Variants in TEC observed in about 807,000 individuals in gnomAD.
TEC encodes tec protein tyrosine kinase.
TEC carries 72 observed loss-of-function variants against 93.0 expected under a neutral mutation model. That is an observed-to-expected ratio of 0.77 (90% confidence interval 0.64 to 0.94). The LOEUF is 0.94. Among genes scored for constraint, TEC ranks in the 40% least tolerant of loss-of-function variants. The pLI is 0.00. For synonymous variants in TEC, 249 were observed against 247.7 expected (o/e 1.01, Z -0.05); for missense variants, 630 against 757.9 (o/e 0.83, Z 1.98).
At chr4:48,207,811 A>C (rs1440739742) in intron 2 of TEC, among the ~76,000 whole-genome samples, 2 of 152,046 alleles carry the variant, frequency 1.3e-5, no homozygotes, top group African/African-American at 4.8e-5. Context: ...AAAAATCCAG[A>C]ATTTAAGCAT....
chr4:48,153,776 A>G (rs1341587067), intron 9 of TEC, among the ~76,000 whole-genome samples: 1 of 152,218 alleles, frequency 6.6e-6, no homozygotes, highest in Non-Finnish European at 1.5e-5. Flanking sequence ...TGAAGCAGAA[A>G]AAAATGAGTG....
At position 48,168,617 on chromosome 4, in the gene TEC, T is replaced by C; in HGVS notation, c.464A>G (p.Lys155Arg). The change falls in exon 6 of 18, where the codon AAA becomes AGA. Residue 155 changes from lysine (K) to arginine (R), a missense_variant. Lys to Arg is a conservative substitution (Grantham distance 26). Around this residue, in one of 3 missense-constraint regions of TEC, gnomAD observed 335 missense variants for 351.5 expected, o/e 0.95. Transcript: ENST00000381501. The part of the protein sequence containing the change: ...KYNLFESSIR[K>R]ALPPAPETKK... ...TGTTTCTGGTGCTGGAGGTAGTGCTTTTCTTATACCTGAAAATGCCAACAA... is the reference window on the plus strand; with the variant it reads ...TGTTTCTGGTGCTGGAGGTAGTGCTCTTCTTATACCTGAAAATGCCAACAA... 1 of 1,602,352 alleles carries C rather than the reference T, an allele frequency of 6.2e-7. No homozygotes were observed. Among genetic ancestry groups the C allele is most frequent in the Non-Finnish European group, 8.5e-7 (1 of 1,177,432 alleles).
chr4:48,158,200 G>A (rs1185319231), intron 8 of TEC, among the ~76,000 whole-genome samples: 1 of 152,072 alleles, frequency 6.6e-6, no homozygotes, highest in Non-Finnish European at 1.5e-5. Context: ...CTAAAGAAGG[G>A]AAAAACACAA....
chr4:48,140,661 C>T (rs28521484), intron 15 of TEC, among the ~76,000 whole-genome samples: 48,482 of 152,130 alleles, frequency 0.32, 8,438 homozygotes, highest in Non-Finnish European at 0.39. Flanking sequence ...GTCTCAATCA[C>T]GCTATTTTTA....
chr4:48,142,031 C>T (rs185093346), intron 14 of TEC, among the ~76,000 whole-genome samples: 1 of 152,318 alleles, frequency 6.6e-6, no homozygotes, highest in East Asian at 1.9e-4. Context: ...ATTAAACTAT[C>T]CAATTTTCTT....
chr4:48,200,252 G>A (rs1349583883), intron 2 of TEC, among the ~76,000 whole-genome samples: 4 of 151,376 alleles, frequency 2.6e-5, no homozygotes, highest in East Asian at 1.9e-4. Context: ...TGGTACCTTC[G>A]AGGAACTGAA....
intron 8 of TEC, among the ~76,000 whole-genome samples, chr4:48,159,065 TTATC>T (rs1441863881): frequency 6.6e-6 from 1 of 150,640 alleles, no homozygotes; most frequent in Non-Finnish European, 1.5e-5. Context: ...TCTCCTGTGA[TTATC>T]TATCTCCAGG....
chr4:48,150,508 C>T (rs1211421085), intron 10 of TEC, among the ~76,000 whole-genome samples: 1 of 152,122 alleles, frequency 6.6e-6, no homozygotes. Flanking sequence ...GCACTTACTA[C>T]CATCACTCTC....
chr4:48,156,514 C>T (rs41312268), intron 9 of TEC, among the ~76,000 whole-genome samples, 166 bp downstream of exon 9: 1 of 152,178 alleles, frequency 6.6e-6, no homozygotes, highest in Admixed American at 6.5e-5. Context: ...CTGGATTTGT[C>T]AGCCTCTTTC....
chr4:48,136,357 C>G lies in TEC; in HGVS notation c.*1059G>C, dbSNP rs16861029. 6.6e-6 allele frequency: 1 copy of G among 152,122 alleles called. No homozygotes were observed. The highest frequency in any genetic ancestry group is 1.5e-5 in the Non-Finnish European group (1 of 68,052). 9.4% of individuals were successfully genotyped at this position (152,122 alleles called of 1,614,324 possible). On this transcript the variant is annotated 3_prime_UTR_variant, in exon 18 of 18. Coordinates refer to ENST00000381501, the MANE Select transcript of TEC (RefSeq NM_003215.3). ...GAACACCATGCTGGCTGCTTCTCTC[C>G]GTAGCTTCCTGGATCCTCCGCCACA...
intron 14 of TEC, among the ~76,000 whole-genome samples, chr4:48,142,110 C>T (rs559904611): frequency 9.2e-5 from 14 of 152,332 alleles, no homozygotes; most frequent in African/African-American, 3.1e-4. Context: ...TAACACACAA[C>T]CATCAAAATG....
intron 6 of TEC, 90 bp from the exon 7 acceptor site, chr4:48,168,043 G>C (rs1414530919): frequency 1.8e-6 from 2 of 1,127,988 alleles, no homozygotes; most frequent in Non-Finnish European, 2.6e-6. Flanking sequence ...CATCACCACA[G>C]AATAAACTAG....
chr4:48,170,286 A>G lies in TEC; in HGVS notation c.416T>C (p.Leu139Ser). The G allele has an allele frequency of 1.9e-6, 3 of 1,593,580 alleles. No homozygotes were observed. Among genetic ancestry groups the G allele is most frequent in the Non-Finnish European group, 2.6e-6 (3 of 1,162,910 alleles). The change falls in exon 5 of 18, where the codon TTA (leucine) becomes TCA (serine). Residue 139 changes from leucine (L) to serine (S), a missense_variant. Transcript: ENST00000381501. ...SYQCCRQTEK[L>S]APGCEKYNLF... ...ATTGTATTTTTCACATCCGGGTGCT[A>G]ATTTTTCAGTTTGTCTACAACACTG... is the stretch of plus-strand genomic sequence containing the variant.
At chr4:48,219,851 T>G (rs1253192145) in intron 2 of TEC, among the ~76,000 whole-genome samples, 2 of 152,106 alleles carry the variant, frequency 1.3e-5, no homozygotes, top group Non-Finnish European at 2.9e-5. Flanking sequence ...CTGCTTTTTC[T>G]TTATCTCTTT....
chr4:48,181,672 CAAA>C (rs35655873), intron 2 of TEC, among the ~76,000 whole-genome samples: 9 of 106,634 alleles, frequency 8.4e-5, no homozygotes, highest in Admixed American at 9.6e-5. Context: ...GACTCTGTCT[CAAA>C]AAAAAAAAAA....
rs1722426667 is a variant in TEC at position 48,199,530 on chromosome 4, G to A, written c.139-23344C>T. Among the ~76,000 whole-genome samples, 4 of 122,290 alleles carry A rather than the reference G, an allele frequency of 3.3e-5. No individual in the cohort carries two copies. In the South Asian group the frequency reaches 8.1e-4, roughly 25 times the overall value. The allele number at this position is 122,290 out of a possible 152,430, so 80.2% of individuals were successfully genotyped here. A position where few individuals can be genotyped will look rare whatever the true frequency, so the allele number is the denominator to read the frequency against. ...TACCCAGGCTGGAGTGCAGAGGCAC[G>A]ATCTCAGCTCACTACAACCTCCGCC... On this transcript the variant is annotated intron_variant, in intron 2 of 17. Transcript: ENST00000381501.
intron 9 of TEC, among the ~76,000 whole-genome samples, chr4:48,153,955 G>A (rs1297529487): frequency 6.6e-6 from 1 of 152,194 alleles, no homozygotes. Flanking sequence ...AGCCCCAGGG[G>A]CTTCTCTAAG....
At chr4:48,260,369 A>T (rs1410750949) in intron 1 of TEC, among the ~76,000 whole-genome samples, 1 of 152,212 alleles carries the variant, frequency 6.6e-6, no homozygotes, top group Non-Finnish European at 1.5e-5. Flanking sequence ...GAATCACTTG[A>T]GGCCAGGAGT....
chr4:48,194,033 GA>G (rs1456584414), intron 2 of TEC, among the ~76,000 whole-genome samples: 2 of 152,212 alleles, frequency 1.3e-5, no homozygotes, highest in African/African-American at 4.8e-5. Flanking sequence ...GCCCAAGGGG[GA>G]ACACCATTCC....
Sources: allele counts gnomAD v4.1 joint callset (sites outside exome capture counted in the v4.1 genomes callset), GRCh38; gene constraint gnomAD v4.1.1; regional missense constraint gnomAD v4.1.1; transcripts MANE v1.5; gene names NCBI Gene and HGNC (gene_info 2026-07-23, HGNC 2026-07-21).